The following PRKCE variants were observed in gnomAD, a reference collection of about 807,000 sequenced individuals.
The protein encoded by PRKCE is protein kinase C epsilon.
A neutral mutation model predicts 85.4 loss-of-function variants in PRKCE; 16 were observed. The observed-to-expected ratio is 0.19, with a 90% CI of 0.13 to 0.28. The LOEUF is 0.28. Ranked by LOEUF, PRKCE falls within the 10% of genes least tolerant of loss-of-function variation. The pLI is 1.00. For missense variants in PRKCE, 573 were observed against 975.2 expected, an observed-to-expected ratio of 0.59 and a Z score of 5.49; for synonymous variants, 388 against 371.5, an observed-to-expected ratio of 1.04 and a Z score of -0.51.
At chr2:46,126,722 A>T (rs975464043) in intron 11 of PRKCE, among the ~76,000 whole-genome samples, 1 of 152,046 alleles carries the variant, frequency 6.6e-6, no homozygotes, top group Admixed American at 6.6e-5. Flanking sequence ...ATGGTAAGGG[A>T]TTGACAACTG....
chr2:46,109,016 G>T (rs931439315), intron 11 of PRKCE, among the ~76,000 whole-genome samples: 1 of 151,764 alleles, frequency 6.6e-6, no homozygotes, highest in Non-Finnish European at 1.5e-5. Context: ...CTGTATTTGA[G>T]TCTATTTTGA....
chr2:45,915,668 G>C (rs1697713998), intron 2 of PRKCE, among the ~76,000 whole-genome samples: 1 of 152,158 alleles, frequency 6.6e-6, no homozygotes. Context: ...TTTCTCATTT[G>C]CCTTTAGCTC....
chr2:46,102,919 TCCTTTTCCATGC>T lies in PRKCE; in HGVS notation c.1592+16568_1592+16579del, dbSNP rs1483257962. On this transcript the variant is annotated intron_variant, in intron 11 of 14. Coordinates refer to ENST00000306156, the MANE Select transcript of PRKCE (RefSeq NM_005400.3). ...AGGTTTCTCCACTGTAAAGTTTCTC[TCCTTTTCCATGC>T]CCTTTTCCATACTGTATTCTTTGCA... 5.3e-5 allele frequency among the ~76,000 whole-genome samples: 8 copies of T among 152,334 alleles called. No individual in the cohort carries two copies. In the East Asian group the frequency reaches 7.7e-4, roughly 15 times the overall value.
At chr2:45,656,103 T>G (rs1298982322) in intron 1 of PRKCE, among the ~76,000 whole-genome samples, 1 of 152,186 alleles carries the variant, frequency 6.6e-6, no homozygotes, top group Non-Finnish European at 1.5e-5. Flanking sequence ...TTTCCCAAAT[T>G]TAAGACTTTT....
chr2:46,173,949 A>G (rs1157128746), intron 14 of PRKCE, among the ~76,000 whole-genome samples: 1 of 152,258 alleles, frequency 6.6e-6, no homozygotes, highest in Non-Finnish European at 1.5e-5. Flanking sequence ...TTAGCAAACA[A>G]TAATGAGACT....
intron 1 of PRKCE, among the ~76,000 whole-genome samples, chr2:45,791,848 A>G (rs893758523): frequency 2.6e-5 from 4 of 152,148 alleles, no homozygotes; most frequent in African/African-American, 9.7e-5. Context: ...AGCTCTCTCA[A>G]TGAGAATCCC....
At chr2:45,911,976 C>G (rs1307013242) in intron 2 of PRKCE, among the ~76,000 whole-genome samples, 1 of 151,936 alleles carries the variant, frequency 6.6e-6, no homozygotes. Context: ...TTGTTGTTGT[C>G]TTTATTTAGA....
chr2:46,057,309 C>G (rs1456410010), intron 10 of PRKCE, among the ~76,000 whole-genome samples: 1 of 152,168 alleles, frequency 6.6e-6, no homozygotes. Context: ...CTGTAACGAT[C>G]TTGAGAAAAT....
chr2:45,687,107 AAAAAC>A (rs1677355467), intron 1 of PRKCE, among the ~76,000 whole-genome samples: 2 of 152,150 alleles, frequency 1.3e-5, no homozygotes, highest in Non-Finnish European at 1.5e-5. Flanking sequence ...TTAAATTTCC[AAAAAC>A]AAAACAAAAC....
Position 45,913,857 on chromosome 2 carries a change from C to T in PRKCE, c.413-62572C>T, listed in dbSNP as rs535018894. Among the ~76,000 whole-genome samples, 6 of 152,304 alleles carry T rather than the reference C, an allele frequency of 3.9e-5. No individual in the cohort carries two copies. The East Asian group carries it at 5.8e-4, about 15-fold the overall frequency. On this transcript the variant is annotated intron_variant, in intron 2 of 14. Transcript: ENST00000306156. ...CCAACACAATGTGACCTCTCATCCA[C>T]GATGATTCTAGGACTTCCCTTGTAA... is the stretch of plus-strand genomic sequence containing the variant.
chr2:46,067,084 A>G (rs755714738), intron 10 of PRKCE, among the ~76,000 whole-genome samples: 4 of 152,222 alleles, frequency 2.6e-5, no homozygotes, highest in Non-Finnish European at 5.9e-5. Context: ...TTTGCTAAAT[A>G]GGTAGTTGTT....
chr2:45,768,611 C>T (rs574516205), intron 1 of PRKCE, among the ~76,000 whole-genome samples: 1 of 152,308 alleles, frequency 6.6e-6, no homozygotes, highest in African/African-American at 2.4e-5. Flanking sequence ...TTCCTTCTCA[C>T]CTGAGCCCTA....
At chr2:45,687,906 C>G (rs1014079962) in intron 1 of PRKCE, among the ~76,000 whole-genome samples, 2 of 152,188 alleles carry the variant, frequency 1.3e-5, no homozygotes, top group African/African-American at 4.8e-5. Flanking sequence ...TTTGGAAGCA[C>G]GTTGGAGACC....
rs2104595208 is a variant in PRKCE, at chr2:45,984,696, C to T, written c.823+16C>T. 6.3e-7 allele frequency: 1 copy of T among 1,593,830 alleles called. No individual in the cohort carries two copies. The highest frequency in any genetic ancestry group is 2.2e-5 in the East Asian group (1 of 44,718). ...CAGTGTAAAGGTAAGTTGCTCCCTG[C>T]CCTGCCCTCAGCCCCTGCATGTCCC... is the stretch of plus-strand genomic sequence containing the variant. On this transcript the variant is annotated intron_variant, in intron 6 of 14. Transcript: ENST00000306156.
chr2:45,807,756 C>T (rs1335093920), intron 1 of PRKCE, among the ~76,000 whole-genome samples: 1 of 152,028 alleles, frequency 6.6e-6, no homozygotes, highest in Non-Finnish European at 1.5e-5. Flanking sequence ...CCATCTCAGA[C>T]CTCCTGAGTC....
intron 10 of PRKCE, among the ~76,000 whole-genome samples, chr2:46,039,764 T>TTC (rs1708112040): frequency 6.6e-6 from 1 of 152,202 alleles, no homozygotes; most frequent in African/African-American, 2.4e-5. Flanking sequence ...GGCTAAGGCA[T>TTC]ATACGAGGCT....
chr2:45,681,311 A>G (rs1215462609), intron 1 of PRKCE, among the ~76,000 whole-genome samples: 1 of 150,060 alleles, frequency 6.7e-6, no homozygotes, highest in African/African-American at 2.4e-5. Flanking sequence ...AAAAAAAAAA[A>G]AAAAAAAGGC....
chr2:46,050,784 A>G (rs12712960), intron 10 of PRKCE, among the ~76,000 whole-genome samples: 49,608 of 152,158 alleles, frequency 0.33, 11,135 homozygotes, highest in African/African-American at 0.65. Context: ...ATTTAGGAGC[A>G]AGCCAACACA....
chr2:46,027,403 T>G (rs1477576944), intron 10 of PRKCE, among the ~76,000 whole-genome samples: 1 of 152,050 alleles, frequency 6.6e-6, no homozygotes, highest in Non-Finnish European at 1.5e-5. Flanking sequence ...AGGGACTGAA[T>G]GAGGATGGGG....
Sources: gnomAD v4.1 joint callset for allele counts (sites outside exome capture counted in the v4.1 genomes callset) on GRCh38, gnomAD v4.1.1 for gene constraint, MANE v1.5 for transcripts, NCBI Gene and HGNC (gene_info 2026-07-23, HGNC 2026-07-21) for gene names.